ZNF763: variants seen among roughly 807,000 people sequenced by gnomAD.
The protein encoded by ZNF763 is zinc finger protein 763.
In ZNF763, 33 loss-of-function variants were observed where a neutral mutation model predicts 38.0. The ratio of observed to expected loss-of-function variants is 0.87; its 90% CI spans 0.66 to 1.16. ZNF763 has a LOEUF of 1.16. ZNF763 is among the 50% of genes most tolerant of loss of function. The probability of loss-of-function intolerance (pLI) is 0.00; values close to 1 mark genes in which losing one functional copy is unlikely to be tolerated. For synonymous variants in ZNF763, 155 were observed against 160.1 expected, an observed-to-expected ratio of 0.97 and a Z score of 0.24; for missense variants, 423 against 469.1, an observed-to-expected ratio of 0.90 and a Z score of 0.91.
intron 1 of ZNF763, 113 bp downstream of exon 1, chr19:11,965,324 C>A: frequency 2.1e-6 from 3 of 1,460,572 alleles, no homozygotes; most frequent in Non-Finnish European, 2.8e-6. Flanking sequence ...GGTCTGGGAC[C>A]GAGTCCTCCT....
At chr19:11,967,386 A>G (rs1973254489) in intron 1 of ZNF763, among the ~76,000 whole-genome samples, 1 of 152,142 alleles carries the variant, frequency 6.6e-6, no homozygotes, top group Non-Finnish European at 1.5e-5. Flanking sequence ...CAACCTGGCT[A>G]ACACAGCAAG....
At chr19:11,974,264 T>C (rs1973436240) in intron 1 of ZNF763, among the ~76,000 whole-genome samples, 1 of 151,240 alleles carries the variant, frequency 6.6e-6, no homozygotes, top group South Asian at 2.1e-4. Context: ...TGGCATGATC[T>C]CAGCTCACTG....
intron 1 of ZNF763, among the ~76,000 whole-genome samples, chr19:11,976,235 T>G (rs1313403640): frequency 6.6e-6 from 1 of 151,486 alleles, no homozygotes; most frequent in African/African-American, 2.4e-5. Flanking sequence ...TTTCTGCATA[T>G]TAATTCATAG....
At chr19:11,968,061 T>G (rs1973274036) in intron 1 of ZNF763, among the ~76,000 whole-genome samples, 1 of 152,192 alleles carries the variant, frequency 6.6e-6, no homozygotes, top group Non-Finnish European at 1.5e-5. Flanking sequence ...GCTGTTTTCT[T>G]AATGTCAAAC....
At chr19:11,971,398 G>A (rs571975752) in intron 1 of ZNF763, among the ~76,000 whole-genome samples, 3 of 152,174 alleles carry the variant, frequency 2.0e-5, no homozygotes, top group East Asian at 3.9e-4. Context: ...ATACTATAGT[G>A]GGGGGTAGGT....
Position 11,978,922 on chromosome 19 carries a change from G to A in ZNF763, c.998G>A (p.Ser333Asn). ...AGATCCTATCTTAGACATAAAAGGAGTCACACGGGAGAGAAGCCTTATCAA... is the reference window on the plus strand; with the variant it reads ...AGATCCTATCTTAGACATAAAAGGAATCACACGGGAGAGAAGCCTTATCAA... ...SYRSYLRHKR[S>N]HTGEKPYQCK... Residue 333 changes from serine (S) to asparagine (N), a missense_variant, in exon 4 of 4, where the codon AGT (serine) becomes AAT (asparagine). Physicochemically the swap from Ser to Asn is conservative, Grantham distance 46. Transcript: ENST00000358987. 1 of 1,614,106 alleles carries A rather than the reference G, an allele frequency of 6.2e-7. No individual in the cohort carries two copies.
At chr19:11,974,606 T>C (rs187918055) in intron 1 of ZNF763, among the ~76,000 whole-genome samples, 104 of 121,920 alleles carry the variant, frequency 8.5e-4, no homozygotes, top group African/African-American at 3.6e-3. Context: ...TTTGCCTTTT[T>C]TTGGGCGGGG....
intron 1 of ZNF763, among the ~76,000 whole-genome samples, chr19:11,975,662 G>A (rs933728422): frequency 1.2e-4 from 5 of 41,696 alleles, no homozygotes; most frequent in African/African-American, 2.2e-4. Flanking sequence ...GATTACAGGC[G>A]TGAGCCACCG....
rs182211209 is a variant in ZNF763, at chr19:11,966,097, A to G, written c.3+886A>G. On this transcript the variant is annotated intron_variant, in intron 1 of 3. Transcript: ENST00000358987. ...AGACCTGTTTCTCGAGATTTTATGA[A>G]TTCCAAGGCATGACTTACCCTTACC... is the stretch of plus-strand genomic sequence containing the variant. Among the ~76,000 whole-genome samples, 23 of 152,276 alleles carry G rather than the reference A, an allele frequency of 1.5e-4. No individual in the cohort carries two copies. In the East Asian group the frequency reaches 4.2e-3, roughly 28 times the overall value.
In ZNF763 at chr19:11,979,854, G is replaced by A; in HGVS notation, c.*745G>A. On this transcript the variant is annotated 3_prime_UTR_variant, in exon 4 of 4. Coordinates refer to ENST00000358987, the MANE Select transcript of ZNF763 (RefSeq NM_001367172.2). ...GCCAAGAACCTTCGAATTCATGAAA[G>A]GACACAAACACACGTAAGAATGCAC... is the stretch of plus-strand genomic sequence containing the variant. 6.6e-7 allele frequency: 1 copy of A among 1,510,922 alleles called. No homozygotes were observed. The highest frequency in any genetic ancestry group is 9.2e-7 in the Non-Finnish European group (1 of 1,089,834). 93.6% of individuals were successfully genotyped at this position (1,510,922 alleles called of 1,614,324 possible).
intron 1 of ZNF763, among the ~76,000 whole-genome samples, chr19:11,972,448 T>C (rs1461283811): frequency 6.6e-6 from 1 of 152,206 alleles, no homozygotes; most frequent in African/African-American, 2.4e-5. Flanking sequence ...AGTAAAAATA[T>C]TACATATGCA....
rs1338277212 is a variant in ZNF763 at position 11,978,168 on chromosome 19, G to A, written c.244G>A (p.Glu82Lys). 3 of 1,613,908 alleles carry A rather than the reference G, an allele frequency of 1.9e-6. No homozygotes were observed. Among genetic ancestry groups the A allele is most frequent in the South Asian group, 2.2e-5 (2 of 91,034 alleles). Residue 82 changes from glutamate to lysine, a missense_variant, in exon 4 of 4, where the codon GAA becomes AAA. Coordinates refer to ENST00000358987, the MANE Select transcript of ZNF763 (RefSeq NM_001367172.2). ...AATTAAAGAAGACAGTCATTGTGGA[G>A]AAACTTTTACCCAGGTTCCAGATGA... ...NEIKEDSHCG[E>K]TFTQVPDDRL...
chr19:11,977,196 A>C, intron 2 of ZNF763, 32 bp downstream of exon 2: 1 of 1,554,904 alleles, frequency 6.4e-7, no homozygotes, highest in Non-Finnish European at 8.9e-7. Context: ...CCCTCAGTCC[A>C]TTAGTGAACC....
chr19:11,971,325 G>A (rs10415994), intron 1 of ZNF763, among the ~76,000 whole-genome samples: 19,184 of 152,034 alleles, frequency 0.13, 2,245 homozygotes, highest in African/African-American at 0.31. Flanking sequence ...AATCTCATTC[G>A]GAAAGCATCT....
At position 11,977,381 on chromosome 19, in the gene ZNF763, G is replaced by A. The variant is rs1973518123; in HGVS notation, c.141G>A (p.Trp47Ter). ...FRNLTSIGKK[W>*]KDQNIEYEYQ... is the part of the protein sequence containing the mutation. The stretch of plus-strand genomic sequence containing the variant: ...GTGTCTGTATTTTAGGGAAAAAGTG[G>A]AAAGACCAGAACATTGAATATGAGT... The change falls in exon 3 of 4, where the codon TGG becomes TGA. Residue 47 changes from tryptophan (W) to a stop codon, truncating the protein, a stop_gained. Coordinates refer to ENST00000358987, the MANE Select transcript of ZNF763 (RefSeq NM_001367172.2). LOFTEE classifies it high-confidence loss of function. 6.2e-7 allele frequency: 1 copy of A among 1,613,818 alleles called. No individual in the cohort carries two copies. Among genetic ancestry groups the A allele is most frequent in the Non-Finnish European group, 8.5e-7 (1 of 1,179,866 alleles).
chr19:11,977,819 CTG>C (rs1313106211), intron 3 of ZNF763, among the ~76,000 whole-genome samples: 52 of 152,320 alleles, frequency 3.4e-4, no homozygotes, highest in African/African-American at 1.2e-3. Flanking sequence ...GATGATATCA[CTG>C]TACTCCAGGA....
rs1973586560 is a variant in ZNF763 at position 11,979,993 on chromosome 19, A to G, written c.*884A>G. On this transcript the variant is annotated 3_prime_UTR_variant, in exon 4 of 4. Coordinates refer to ENST00000358987, the MANE Select transcript of ZNF763 (RefSeq NM_001367172.2). Reference sequence around the variant, plus strand: ...GAGAGAAACCCTATGAGTGTAAGCAATGTGGGAAAGCCTTTATTTCTTTCA... The same window carrying G: ...GAGAGAAACCCTATGAGTGTAAGCAGTGTGGGAAAGCCTTTATTTCTTTCA... 8 of 1,174,368 alleles carry G rather than the reference A, an allele frequency of 6.8e-6. No homozygotes were observed. The highest frequency in any genetic ancestry group is 2.6e-5 in the East Asian group (1 of 39,104). The allele number at this position is 1,174,368 out of a possible 1,614,324, so 72.7% of individuals were successfully genotyped here.
At chr19:11,966,193 T>A (rs7259805) in intron 1 of ZNF763, among the ~76,000 whole-genome samples, 1 of 152,182 alleles carries the variant, frequency 6.6e-6, no homozygotes, top group South Asian at 2.1e-4. Context: ...TCCAGTCAGA[T>A]AATGTCTGTT....
At chr19:11,966,660 C>G (rs1034713754) in intron 1 of ZNF763, among the ~76,000 whole-genome samples, 2 of 152,188 alleles carry the variant, frequency 1.3e-5, no homozygotes, top group African/African-American at 4.8e-5. Flanking sequence ...AGATGTGAGC[C>G]ACCTCGCCTG....
Sources: allele counts gnomAD v4.1 joint callset (sites outside exome capture counted in the v4.1 genomes callset), GRCh38; gene constraint gnomAD v4.1.1; transcripts MANE v1.5; gene names NCBI Gene and HGNC (gene_info 2026-07-23, HGNC 2026-07-21).